Variants in DGKG observed in about 807,000 individuals in gnomAD.
DGKG encodes DAG kinase gamma.
DGKG carries 78 observed loss-of-function variants against 105.3 expected under a neutral mutation model. That is an observed-to-expected ratio of 0.74 (90% CI 0.62 to 0.89). The LOEUF (loss-of-function observed/expected upper bound fraction) is 0.89, where lower values mean the gene tolerates loss of function less well. Among genes scored for constraint, DGKG ranks in the 40% least tolerant of loss-of-function variants. DGKG has a pLI of 0.00. For missense variants in DGKG, 958 were observed against 1,020.1 expected (o/e 0.94, Z 0.83); for synonymous variants, 346 against 367.1 (o/e 0.94, Z 0.66).
intron 1 of DGKG, among the ~76,000 whole-genome samples, chr3:186,356,104 C>G (rs1466778046): frequency 6.6e-6 from 1 of 152,144 alleles, no homozygotes. Context: ...GAAATATGGG[C>G]TCAGTTATAG....
In DGKG at chr3:186,284,738, G is replaced by T. The variant is rs777501002; in HGVS notation, c.545-29C>A. On this transcript the variant is annotated intron_variant, in intron 6 of 24. Coordinates refer to ENST00000265022, the MANE Select transcript of DGKG (RefSeq NM_001346.3). The surrounding 1 kb of genome is among the most constrained non-coding windows in gnomAD (Gnocchi z 4.0). ...TAAGAAACACAGAGGTAAGCCTTGA[G>T]GTGTCCTCTAAGAAGCGCGGATGGC... 4 of 1,608,202 alleles carry T rather than the reference G, an allele frequency of 2.5e-6. No individual in the cohort carries two copies. The South Asian group carries it at 3.3e-5, about 13-fold the overall frequency.
At chr3:186,352,502 A>C (rs1474301399) in intron 1 of DGKG, among the ~76,000 whole-genome samples, 1 of 152,178 alleles carries the variant, frequency 6.6e-6, no homozygotes, top group Non-Finnish European at 1.5e-5. Flanking sequence ...CTATCCAATT[A>C]CATCTCCATC....
rs1048753257 is a variant in DGKG at position 186,203,844 on chromosome 3, G to A, written c.1917+7951C>T. ...CTGTGGCGGCATGGACAGGCTGTAC[G>A]TCAGCCAATTCCTACTTTCCTTACT... On this transcript the variant is annotated intron_variant, in intron 21 of 24. Coordinates refer to ENST00000265022, the MANE Select transcript of DGKG (RefSeq NM_001346.3). This position sits in a 1 kb window ranked among gnomAD's most constrained non-coding sequence, Gnocchi z 4.9. Among the ~76,000 whole-genome samples the A allele has an allele frequency of 3.9e-5, 6 of 152,178 alleles. No homozygotes were observed. The highest frequency in any genetic ancestry group is 2.0e-4 in the Admixed American group (3 of 15,286).
chr3:186,176,637 A>G (rs550171268), intron 22 of DGKG, among the ~76,000 whole-genome samples: 1 of 152,262 alleles, frequency 6.6e-6, no homozygotes, highest in East Asian at 1.9e-4. Flanking sequence ...CCACCAGCTA[A>G]CGCAGTCTTG....
At chr3:186,353,058 T>C (rs979289665) in intron 1 of DGKG, among the ~76,000 whole-genome samples, 17 of 152,234 alleles carry the variant, frequency 1.1e-4, no homozygotes, top group African/African-American at 4.1e-4. Context: ...AAAACTGGCT[T>C]TGCATACATG....
In DGKG at chr3:186,280,689, TC is replaced by T. The variant is rs1179522209; in HGVS notation, c.649del (p.Asp217IlefsTer5). The T allele has an allele frequency of 6.2e-7, 1 of 1,613,950 alleles. No homozygotes were observed. Among genetic ancestry groups the T allele is most frequent in the African/African-American group, 1.3e-5 (1 of 74,918 alleles). On this transcript the variant is annotated frameshift_variant, in exon 8 of 25. Coordinates refer to ENST00000265022, the MANE Select transcript of DGKG (RefSeq NM_001346.3). LOFTEE classifies it high-confidence loss of function. ...MLHIAQYLEW[D>X]PTELRPILKE... is the part of the protein sequence containing the mutation. ...ACTCACAGGCCTCAGCTCTGTGGGATCCCACTCCAGGTACTGGGCAATATGC... is the reference window on the plus strand; with the variant it reads ...ACTCACAGGCCTCAGCTCTGTGGGATCCACTCCAGGTACTGGGCAATATGC...
At chr3:186,194,096 C>G (rs980493482) in intron 21 of DGKG, among the ~76,000 whole-genome samples, 1 of 152,358 alleles carries the variant, frequency 6.6e-6, no homozygotes, top group Admixed American at 6.5e-5. Context: ...CTGCCGGCCA[C>G]GTTCAACTGT....
At chr3:186,225,984 TATC>T (rs1719841898) in intron 20 of DGKG, among the ~76,000 whole-genome samples, 1 of 152,158 alleles carries the variant, frequency 6.6e-6, no homozygotes, top group African/African-American at 2.4e-5. Context: ...AGAAATAAAA[TATC>T]ATCCAAATCT....
intron 14 of DGKG, among the ~76,000 whole-genome samples, chr3:186,262,737 G>A (rs1386645671): frequency 6.6e-6 from 1 of 152,202 alleles, no homozygotes; most frequent in East Asian, 1.9e-4. Context: ...AGTAAGTCTA[G>A]AGTGTGTCTC....
chr3:186,246,541 G>C (rs538749369), intron 19 of DGKG, among the ~76,000 whole-genome samples: 1 of 152,302 alleles, frequency 6.6e-6, no homozygotes, highest in South Asian at 2.1e-4. Context: ...ATGGAAAGGA[G>C]ACCATAAGAC....
chr3:186,294,061 A>G (rs1723432673), intron 5 of DGKG, among the ~76,000 whole-genome samples: 1 of 152,246 alleles, frequency 6.6e-6, no homozygotes, highest in Non-Finnish European at 1.5e-5. Context: ...ACACAAGGAA[A>G]ATGGTACATG....
chr3:186,287,587 C>T lies in DGKG; in HGVS notation c.544+1123G>A, dbSNP rs536621635. On this transcript the variant is annotated intron_variant, in intron 6 of 24. Coordinates refer to ENST00000265022, the MANE Select transcript of DGKG (RefSeq NM_001346.3). ...TCTGTCACCTTCTCTTTGGTAGTCA[C>T]TAACAAATACAATGCCTGAAACTCA... 9.2e-5 allele frequency among the ~76,000 whole-genome samples: 14 copies of T among 152,366 alleles called. No homozygotes were observed. In the South Asian group the frequency reaches 2.3e-3, roughly 25 times the overall value.
At chr3:186,174,669 T>C (rs1299562266) in intron 22 of DGKG, among the ~76,000 whole-genome samples, 1 of 99,206 alleles carries the variant, frequency 1.0e-5, no homozygotes, top group Non-Finnish European at 1.9e-5. Flanking sequence ...TGTGTGTGTG[T>C]GTGTGTGTGT....
At chr3:186,192,516 C>T (rs570824076) in intron 21 of DGKG, among the ~76,000 whole-genome samples, 1 of 152,234 alleles carries the variant, frequency 6.6e-6, no homozygotes, top group Non-Finnish European at 1.5e-5. Context: ...GTATCTCTTG[C>T]GATCTTCACA....
At chr3:186,323,026 T>C (rs1414425575) in intron 1 of DGKG, among the ~76,000 whole-genome samples, 1 of 152,220 alleles carries the variant, frequency 6.6e-6, no homozygotes, top group East Asian at 1.9e-4. Flanking sequence ...ATCTCTTGCC[T>C]GGCCTTTGAC....
At position 186,272,362 on chromosome 3, in the gene DGKG, A is replaced by G; in HGVS notation, c.911-19T>C. The G allele has an allele frequency of 6.3e-7, 1 of 1,593,490 alleles. No individual in the cohort carries two copies. The highest frequency in any genetic ancestry group is 8.6e-7 in the Non-Finnish European group (1 of 1,161,534). On this transcript the variant is annotated intron_variant, in intron 10 of 24. Coordinates refer to ENST00000265022, the MANE Select transcript of DGKG (RefSeq NM_001346.3). ...TTACAGTCTGAAAAGAAAAAAAGTC[A>G]AGGCAGGTGCTTGTGAATAGCCACG...
intron 1 of DGKG, among the ~76,000 whole-genome samples, chr3:186,334,439 TC>T (rs140929382): frequency 6.4e-4 from 98 of 152,300 alleles, no homozygotes; most frequent in African/African-American, 2.3e-3. Flanking sequence ...TGCCTCTTCC[TC>T]CACCAACCAG....
chr3:186,267,041 A>T (rs1247293587), intron 13 of DGKG, among the ~76,000 whole-genome samples: 2 of 152,226 alleles, frequency 1.3e-5, no homozygotes, highest in African/African-American at 4.8e-5. Context: ...AGTCTTCAAC[A>T]CAGGCGACAA....
intron 24 of DGKG, chr3:186,159,187 T>A (rs889740905): frequency 1.3e-5 from 2 of 151,674 alleles, no homozygotes; most frequent in Non-Finnish European, 2.9e-5. Context: ...TCAAAAAATT[T>A]TTAAATGTTG....
Sources: allele counts gnomAD v4.1 joint callset (sites outside exome capture counted in the v4.1 genomes callset), GRCh38; gene constraint gnomAD v4.1.1; non-coding constraint Gnocchi (gnomAD v3.1); transcripts MANE v1.5; gene names NCBI Gene and HGNC (gene_info 2026-07-23, HGNC 2026-07-21).